IL26: variants seen among roughly 807,000 people sequenced by gnomAD.
IL26 encodes interleukin-26.
Under a neutral mutation model 21.7 loss-of-function variants are expected in IL26, and 23 were observed. The observed-to-expected ratio is 1.06, with a 90% CI of 0.76 to 1.50. The LOEUF (loss-of-function observed/expected upper bound fraction) is 1.50, where lower values mean the gene tolerates loss of function less well. Ranked by LOEUF, IL26 falls within the 40% of genes most tolerant of loss-of-function variation. The probability of loss-of-function intolerance (pLI) is 0.00; values close to 1 mark genes in which losing one functional copy is unlikely to be tolerated. For missense variants in IL26, 204 were observed against 196.0 expected, an observed-to-expected ratio of 1.04 and a Z score of -0.24; for synonymous variants, 63 against 67.8, an observed-to-expected ratio of 0.93 and a Z score of 0.34.
chr12:68,216,251 A>G (rs983289550), intron 3 of IL26, among the ~76,000 whole-genome samples: 2 of 152,044 alleles, frequency 1.3e-5, no homozygotes, highest in Non-Finnish European at 1.5e-5. Context: ...AGATTGCACC[A>G]CTGCACTCCA....
At chr12:68,202,131 A>G (rs1592893158) in intron 3 of IL26, 48 bp from the exon 4 acceptor site, 1 of 1,191,724 alleles carries the variant, frequency 8.4e-7, no homozygotes, top group Admixed American at 2.1e-5. Context: ...AGAGGCATTA[A>G]TGATACTCTT....
At chr12:68,223,553 G>A (rs1869124469) in intron 3 of IL26, among the ~76,000 whole-genome samples, 1 of 152,166 alleles carries the variant, frequency 6.6e-6, no homozygotes, top group Non-Finnish European at 1.5e-5. Context: ...AACCTGACAT[G>A]GATTTGGGGG....
In IL26 at chr12:68,201,842, G is replaced by T. The variant is rs1047859848; in HGVS notation, c.*3C>A. ...CTGTAAAATCAATGTACTTGGCTTT[G>T]GTTTACTGACTGCTTTCCAATAATT... On this transcript the variant is annotated 3_prime_UTR_variant, in exon 5 of 5. Transcript: ENST00000229134. 2.5e-6 allele frequency: 4 copies of T among 1,573,196 alleles called. No homozygotes were observed. The African/African-American group carries it at 4.1e-5, about 16-fold the overall frequency.
In IL26 at chr12:68,201,877, A is replaced by G. The variant is rs1329059982; in HGVS notation, c.484T>C (p.Trp162Arg). 1.3e-6 allele frequency: 2 copies of G among 1,599,704 alleles called. No homozygotes were observed. The highest frequency in any genetic ancestry group is 8.5e-7 in the Non-Finnish European group (1 of 1,176,116). ...CTGCTTTCCAATAATTTTTTAATCCAGGAAAGAAGAATATCCAGTTCACTG... is the reference window on the plus strand; with the variant it reads ...CTGCTTTCCAATAATTTTTTAATCCGGGAAAGAAGAATATCCAGTTCACTG... ...AISELDILLS[W>R]IKKLLESSQ Residue 162 changes from tryptophan (W) to arginine (R), a missense_variant, in exon 5 of 5, where the codon TGG becomes CGG. Transcript: ENST00000229134.
At chr12:68,219,189 G>A (rs1384378096) in intron 3 of IL26, among the ~76,000 whole-genome samples, 2 of 151,928 alleles carry the variant, frequency 1.3e-5, no homozygotes, top group Non-Finnish European at 2.9e-5. Flanking sequence ...AAATCTAATT[G>A]AAATGTATAA....
rs113077570 is a variant in IL26 at position 68,219,714 on chromosome 12, G to A, written c.363+5435C>T. On this transcript the variant is annotated intron_variant, in intron 3 of 4. Transcript: ENST00000229134. ...TTAATAGAAGAAAATGAATAATAAT[G>A]TTCAGAATAAAAATCACTGAAATAA... is the stretch of plus-strand genomic sequence containing the variant. 7.9e-3 allele frequency among the ~76,000 whole-genome samples: 1,201 copies of A among 151,662 alleles called. 13 individuals carry two copies. Among genetic ancestry groups the A allele is most frequent in the African/African-American group, 0.027 (1,139 of 41,448 alleles).
intron 3 of IL26, among the ~76,000 whole-genome samples, chr12:68,222,776 A>C (rs950206228): frequency 6.6e-6 from 1 of 152,026 alleles, no homozygotes; most frequent in Non-Finnish European, 1.5e-5. Context: ...TGTTTTACTT[A>C]TTTTTCCCAC....
chr12:68,219,049 T>A (rs1868972204), intron 3 of IL26, among the ~76,000 whole-genome samples: 1 of 151,846 alleles, frequency 6.6e-6, no homozygotes, highest in East Asian at 1.9e-4. Flanking sequence ...TCAAAATACA[T>A]GAAGCAATAT....
rs11570999 is a variant in IL26, at chr12:68,220,600, T to C, written c.363+4549A>G. ...ACATGGTCCATTAAAGAAAAAACTA[T>C]TATATTGTACTTCATAAAATGTAAA... is the stretch of plus-strand genomic sequence containing the variant. On this transcript the variant is annotated intron_variant, in intron 3 of 4. Transcript: ENST00000229134. 9.7e-3 allele frequency among the ~76,000 whole-genome samples: 1,480 copies of C among 152,314 alleles called. 32 individuals are homozygous for C. Among genetic ancestry groups the C allele is most frequent in the African/African-American group, 0.034 (1,399 of 41,568 alleles).
chr12:68,218,087 T>C (rs186774187), intron 3 of IL26, among the ~76,000 whole-genome samples: 42 of 152,256 alleles, frequency 2.8e-4, no homozygotes, highest in Non-Finnish European at 4.3e-4. Context: ...TGTTTGCAAC[T>C]AATTTAACTG....
At chr12:68,218,710 CACAAAT>C (rs1868962666) in intron 3 of IL26, among the ~76,000 whole-genome samples, 1 of 151,870 alleles carries the variant, frequency 6.6e-6, no homozygotes, top group African/African-American at 2.4e-5. Flanking sequence ...ACTATATACT[CACAAAT>C]ACAAGATTCC....
intron 3 of IL26, among the ~76,000 whole-genome samples, chr12:68,208,996 G>A (rs1435294151): frequency 1.3e-5 from 2 of 152,270 alleles, no homozygotes; most frequent in East Asian, 3.9e-4. Flanking sequence ...TTTGAAGCAT[G>A]GCCTAGACAT....
chr12:68,225,134 GT>G lies in IL26; in HGVS notation c.363+14del. On this transcript the variant is annotated intron_variant, in intron 3 of 4. Transcript: ENST00000229134. ...TTCTAGGATCAAATGCACAGTATTT[GT>G]TGTGTATACTTACACAGTGGCTCAA... 1 of 1,598,734 alleles carries G rather than the reference GT, an allele frequency of 6.3e-7. No individual in the cohort carries two copies. The highest frequency in any genetic ancestry group is 8.5e-7 in the Non-Finnish European group (1 of 1,173,830).
intron 3 of IL26, among the ~76,000 whole-genome samples, chr12:68,211,733 C>G (rs1868736106): frequency 6.6e-6 from 1 of 152,010 alleles, no homozygotes; most frequent in Non-Finnish European, 1.5e-5. Flanking sequence ...AGATTATTTG[C>G]TTTTTGCTAT....
intron 3 of IL26, 136 bp from the exon 4 acceptor site, chr12:68,202,219 A>G (rs549817558): frequency 6.0e-6 from 3 of 502,124 alleles, no homozygotes; most frequent in Non-Finnish European, 1.0e-5. Flanking sequence ...TAAATAATGC[A>G]TGATCTTTTT....
Position 68,218,179 on chromosome 12 carries a change from C to T in IL26, c.363+6970G>A, listed in dbSNP as rs528919746. 6.6e-5 allele frequency among the ~76,000 whole-genome samples: 10 copies of T among 152,058 alleles called. No individual in the cohort carries two copies. The South Asian group carries it at 1.0e-3, about 16-fold the overall frequency. ...ACAAGGTAAAATTCATAATATTTGA[C>T]ATTTGATCAAAATTACCAGCCGTGC... is the stretch of plus-strand genomic sequence containing the variant. On this transcript the variant is annotated intron_variant, in intron 3 of 4. Coordinates refer to ENST00000229134, the MANE Select transcript of IL26 (RefSeq NM_018402.2).
intron 3 of IL26, among the ~76,000 whole-genome samples, chr12:68,220,891 C>A (rs1267275309): frequency 6.6e-6 from 1 of 152,234 alleles, no homozygotes; most frequent in African/African-American, 2.4e-5. Context: ...CCCATCTCGG[C>A]CTCCCAAAGT....
intron 3 of IL26, among the ~76,000 whole-genome samples, chr12:68,215,442 G>A (rs1245561210): frequency 6.6e-6 from 1 of 152,130 alleles, no homozygotes; most frequent in Non-Finnish European, 1.5e-5. Flanking sequence ...AGCATTCTGG[G>A]ATATTGCTGG....
At chr12:68,219,349 A>T (rs1480337258) in intron 3 of IL26, among the ~76,000 whole-genome samples, 1 of 152,016 alleles carries the variant, frequency 6.6e-6, no homozygotes, top group African/African-American at 2.4e-5. Flanking sequence ...GGCCAAAATG[A>T]TATCAAATTA....
Sources: gnomAD v4.1 joint callset for allele counts (sites outside exome capture counted in the v4.1 genomes callset) on GRCh38, gnomAD v4.1.1 for gene constraint, MANE v1.5 for transcripts, NCBI Gene and HGNC (gene_info 2026-07-23, HGNC 2026-07-21) for gene names.